Variants in DPP10 observed in about 807,000 individuals in gnomAD.
DPP10 encodes dipeptidyl peptidase like 10.
In DPP10, 33 loss-of-function variants were observed where a neutral mutation model predicts 120.9. That is an observed-to-expected ratio of 0.27 (90% CI 0.21 to 0.37). The LOEUF (loss-of-function observed/expected upper bound fraction) is 0.37. Among genes scored for constraint, DPP10 ranks in the 10% least tolerant of loss-of-function variants. DPP10 has a pLI of 1.00. For missense variants in DPP10, 816 were observed against 942.8 expected (o/e 0.87, Z 1.76); for synonymous variants, 337 against 326.1 (o/e 1.03, Z -0.36).
intron 1 of DPP10, among the ~76,000 whole-genome samples, chr2:115,252,392 T>A (rs2058794367): frequency 1.3e-5 from 2 of 152,192 alleles, no homozygotes; most frequent in Non-Finnish European, 2.9e-5. Flanking sequence ...ATTCCACCTG[T>A]GCAAACCTGA....
intron 1 of DPP10, among the ~76,000 whole-genome samples, chr2:115,072,127 T>C (rs1026038029): frequency 2.0e-5 from 3 of 152,094 alleles, no homozygotes; most frequent in African/African-American, 7.2e-5. Context: ...GAGTCACAGA[T>C]TGGAAATGGA....
intron 1 of DPP10, among the ~76,000 whole-genome samples, chr2:114,641,350 G>A (rs1184346827): frequency 1.3e-5 from 2 of 151,848 alleles, no homozygotes; most frequent in South Asian, 4.2e-4. Flanking sequence ...GTGGCTAGCA[G>A]TGTCCTTCCC....
At chr2:115,805,226 C>A (rs6734758) in intron 19 of DPP10, among the ~76,000 whole-genome samples, 15 of 152,066 alleles carry the variant, frequency 9.9e-5, no homozygotes, top group Non-Finnish European at 7.3e-5. Context: ...AGGACCCTCC[C>A]AGCCAGGTGT....
At chr2:115,699,047 A>C (rs1371760249) in intron 7 of DPP10, among the ~76,000 whole-genome samples, 5 of 143,802 alleles carry the variant, frequency 3.5e-5, no homozygotes, top group Non-Finnish European at 6.2e-5. Context: ...AAAAAAAAAA[A>C]AACAAGAGAA....
At chr2:115,724,522 T>G (rs1423347397) in intron 7 of DPP10, among the ~76,000 whole-genome samples, 2 of 144,164 alleles carry the variant, frequency 1.4e-5, no homozygotes, top group Admixed American at 6.8e-5. Context: ...TCAATTGTTC[T>G]TCTATTTTTT....
At chr2:115,526,057 C>G in intron 5 of DPP10, 85 bp downstream of exon 5, 1 of 1,121,108 alleles carries the variant, frequency 8.9e-7, no homozygotes, top group South Asian at 1.5e-5. Context: ...TATAACTCAC[C>G]TAAGCAAAAT....
chr2:114,490,320 ACT>A (rs1176150429), intron 1 of DPP10, among the ~76,000 whole-genome samples: 5 of 151,880 alleles, frequency 3.3e-5, no homozygotes, highest in Non-Finnish European at 7.4e-5. Context: ...TGCCTTTATA[ACT>A]CTGTGTAGGC....
chr2:114,611,039 A>C (rs1296042011), intron 1 of DPP10, among the ~76,000 whole-genome samples: 1 of 152,088 alleles, frequency 6.6e-6, no homozygotes, highest in Non-Finnish European at 1.5e-5. Flanking sequence ...CTCAGGTATA[A>C]TTACGAAGGC....
intron 1 of DPP10, among the ~76,000 whole-genome samples, chr2:114,744,876 C>T (rs1033833630): frequency 2.6e-5 from 4 of 152,156 alleles, no homozygotes; most frequent in African/African-American, 9.7e-5. Context: ...ATTCTCCTGC[C>T]TCGGCCTCCT....
At chr2:114,449,342 G>A (rs1238301547) in intron 1 of DPP10, among the ~76,000 whole-genome samples, 1 of 152,044 alleles carries the variant, frequency 6.6e-6, no homozygotes, top group African/African-American at 2.4e-5. Flanking sequence ...GGCCTTCCAC[G>A]GACAGACACA....
In DPP10 at chr2:115,808,061, A is replaced by C. The variant is rs568433854; in HGVS notation, c.1701-6732A>C. Among the ~76,000 whole-genome samples, 7 of 152,232 alleles carry C rather than the reference A, an allele frequency of 4.6e-5. No homozygotes were observed. In the South Asian group the frequency reaches 1.4e-3, roughly 31 times the overall value. On this transcript the variant is annotated intron_variant, in intron 19 of 25. Transcript: ENST00000410059. The stretch of plus-strand genomic sequence containing the variant: ...ACTGCTACTAATCTAACTATGAAGA[A>C]GCTCGTAAGATACCTTTAACATATG...
At chr2:115,067,137 A>G (rs1706916005) in intron 1 of DPP10, among the ~76,000 whole-genome samples, 1 of 152,140 alleles carries the variant, frequency 6.6e-6, no homozygotes, top group Admixed American at 6.5e-5. Flanking sequence ...AAGATTGTAT[A>G]TGTGAGAGTA....
intron 1 of DPP10, among the ~76,000 whole-genome samples, chr2:114,818,000 C>T (rs1036743446): frequency 6.6e-6 from 1 of 152,034 alleles, no homozygotes; most frequent in African/African-American, 2.4e-5. Flanking sequence ...TTAGAAAATA[C>T]CTTTCTAGCC....
At chr2:114,732,366 G>C (rs147889244) in intron 1 of DPP10, among the ~76,000 whole-genome samples, 46 of 152,310 alleles carry the variant, frequency 3.0e-4, no homozygotes, top group African/African-American at 1.1e-3. Context: ...TTTGAGGTCA[G>C]AGAAAGCTTC....
At chr2:114,467,057 AC>A (rs1221810677) in intron 1 of DPP10, among the ~76,000 whole-genome samples, 2 of 150,908 alleles carry the variant, frequency 1.3e-5, no homozygotes, top group Non-Finnish European at 3.0e-5. Flanking sequence ...AAAAAAGGAA[AC>A]CTTTAGTGAC....
intron 3 of DPP10, among the ~76,000 whole-genome samples, chr2:115,386,387 A>AGAGCACTCAGTGATGC (rs550760412): frequency 2.6e-5 from 4 of 152,198 alleles, no homozygotes; most frequent in Non-Finnish European, 1.5e-5. Context: ...CTTACCTGTG[A>AGAGCACTCAGTGATGC]GAGCACTCAG....
intron 11 of DPP10, among the ~76,000 whole-genome samples, chr2:115,761,428 G>T (rs1027445298): frequency 1.3e-5 from 2 of 152,050 alleles, no homozygotes; most frequent in African/African-American, 4.8e-5. Context: ...ACACCTTATT[G>T]ATATTGTATT....
chr2:115,347,490 A>G (rs2063767273), intron 3 of DPP10, among the ~76,000 whole-genome samples: 1 of 152,038 alleles, frequency 6.6e-6, no homozygotes. Context: ...TTCTTTTATT[A>G]TTGTTATTAT....
chr2:114,699,768 C>T (rs1700281629), intron 1 of DPP10, among the ~76,000 whole-genome samples: 2 of 152,066 alleles, frequency 1.3e-5, no homozygotes, highest in Non-Finnish European at 2.9e-5. Flanking sequence ...AGAGCTGAGA[C>T]CACACAGTGT....
Sources: gnomAD v4.1 joint callset for allele counts (sites outside exome capture counted in the v4.1 genomes callset) on GRCh38, gnomAD v4.1.1 for gene constraint, MANE v1.5 for transcripts, NCBI Gene and HGNC (gene_info 2026-07-23, HGNC 2026-07-21) for gene names.